Variants in ZNF750 observed in about 807,000 individuals in gnomAD.
ZNF750 encodes zinc finger protein 750.
A neutral mutation model predicts 31.6 loss-of-function variants in ZNF750; 10 were observed. The ratio of observed to expected loss-of-function variants is 0.32; its 90% confidence interval spans 0.19 to 0.54. ZNF750 has a LOEUF of 0.54. Ranked by LOEUF, ZNF750 falls within the 20% of genes least tolerant of loss-of-function variation. The probability of loss-of-function intolerance (pLI) is 0.95; values close to 1 mark genes in which losing one functional copy is unlikely to be tolerated. For synonymous variants in ZNF750, 400 were observed against 404.9 expected, an observed-to-expected ratio of 0.99 and a Z score of 0.15; for missense variants, 914 against 934.9, an observed-to-expected ratio of 0.98 and a Z score of 0.29.
chr17:82,832,181 C>G lies in ZNF750; in HGVS notation c.274G>C (p.Ala92Pro). The change falls in exon 2 of 3, where the codon GCA (alanine) becomes CCA (proline). Residue 92 changes from alanine to proline, a missense_variant. Physicochemically the swap from Ala to Pro is conservative, Grantham distance 27 (BLOSUM62 -1). Around this residue, in one of 2 missense-constraint regions of ZNF750, gnomAD observed 880 missense variants for 868.9 expected, o/e 1.01. Coordinates refer to ENST00000269394, the MANE Select transcript of ZNF750 (RefSeq NM_024702.3). This position sits in a 1 kb window ranked among gnomAD's most constrained non-coding sequence, Gnocchi z 4.9. Reference sequence around the variant, plus strand: ...GAGTCGAAGGCAGAGAGTCCATTTGCGACAGACTTGGAAGAGGCTGGCTTC... The same window carrying G: ...GAGTCGAAGGCAGAGAGTCCATTTGGGACAGACTTGGAAGAGGCTGGCTTC... ...TAKPASSKSV[A>P]NGLSAFDSKL... 6.2e-7 allele frequency: 1 copy of G among 1,614,214 alleles called. No individual in the cohort carries two copies. Among genetic ancestry groups the G allele is most frequent in the Non-Finnish European group, 8.5e-7 (1 of 1,180,050 alleles).
intron 1 of ZNF750, among the ~76,000 whole-genome samples, chr17:82,838,167 T>C (rs927379286): frequency 6.6e-6 from 1 of 152,146 alleles, no homozygotes; most frequent in Non-Finnish European, 1.5e-5. Flanking sequence ...GTGGTTTCGG[T>C]TGGCCATGGG....
Position 82,838,817 on chromosome 17 carries a change from C to T in ZNF750, c.-183+1110G>A, listed in dbSNP as rs544716967. The T allele has an allele frequency of 6.1e-6, 6 of 985,368 alleles. No individual in the cohort carries two copies. The East Asian group carries it at 4.5e-4, about 75-fold the overall frequency. The allele number at this position is 985,368 out of a possible 1,614,324, so 61.0% of individuals were successfully genotyped here. On this transcript the variant is annotated intron_variant, in intron 1 of 2. Transcript: ENST00000269394. The stretch of plus-strand genomic sequence containing the variant: ...TAACTCTAGTTTCGGCAGGAGATCC[C>T]GAGTTACAGACCTGAGCTCGTAAAC...
In ZNF750 at chr17:82,831,436, C is replaced by T; in HGVS notation, c.1019G>A (p.Gly340Asp). 6.2e-7 allele frequency: 1 copy of T among 1,614,034 alleles called. No individual in the cohort carries two copies. The highest frequency in any genetic ancestry group is 1.3e-5 in the African/African-American group (1 of 74,992). Residue 340 changes from glycine to aspartate, a missense_variant, in exon 2 of 3, where the codon GGC becomes GAC. Around this residue, in one of 2 missense-constraint regions of ZNF750, gnomAD observed 880 missense variants for 868.9 expected, o/e 1.01. Coordinates refer to ENST00000269394, the MANE Select transcript of ZNF750 (RefSeq NM_024702.3). This position sits in a 1 kb window ranked among gnomAD's most constrained non-coding sequence, Gnocchi z 4.6. ...SYGLRLPPVT[G>D]LTRDQSSHLL... ...GTGAGAGCTCTGATCTCGGGTGAGG[C>T]CAGTGACAGGTGGGAGTCTGAGACC...
In ZNF750 at chr17:82,831,069, T is replaced by C; in HGVS notation, c.1386A>G (p.Thr462=). Reference sequence around the variant, plus strand: ...CAGCAGCCTGGGCAGGTAGGCATTCTGTGCTTTTCTTAACAGGCCTGAAGG... The same window carrying C: ...CAGCAGCCTGGGCAGGTAGGCATTCCGTGCTTTTCTTAACAGGCCTGAAGG... ...LTAFRPVKKS[T]ECLPAQAAET... The change falls in exon 2 of 3, where the codon ACA becomes ACG. Residue 462 remains threonine, a synonymous_variant. Transcript: ENST00000269394. This position sits in a 1 kb window ranked among gnomAD's most constrained non-coding sequence, Gnocchi z 4.6. The C allele has an allele frequency of 1.2e-6, 2 of 1,614,228 alleles. No individual in the cohort carries two copies. Among genetic ancestry groups the C allele is most frequent in the South Asian group, 2.2e-5 (2 of 91,088 alleles).
Position 82,830,509 on chromosome 17 carries a change from C to T in ZNF750, c.1805G>A (p.Gly602Asp). The part of the protein sequence containing the change: ...DGPSHPETKP[G>D]SLDGDGAPPT... ...TGGGGCCCCGTCACCGTCGAGGCTG[C>T]CTGGCTTGGTCTCAGGGTGGCTGGG... The change falls in exon 3 of 3, where the codon GGC (glycine) becomes GAC (aspartate). Residue 602 changes from glycine to aspartate, a missense_variant. Physicochemically the swap from Gly to Asp is moderately conservative, Grantham distance 94. This residue lies in a region of ZNF750 where 880 missense variants were observed against 868.9 expected (regional missense o/e 1.01). Transcript: ENST00000269394. The T allele has an allele frequency of 6.2e-7, 1 of 1,613,606 alleles. No homozygotes were observed. The highest frequency in any genetic ancestry group is 8.5e-7 in the Non-Finnish European group (1 of 1,179,658).
Position 82,832,004 on chromosome 17 carries a change from G to T in ZNF750, c.451C>A (p.Pro151Thr). The T allele has an allele frequency of 6.2e-7, 1 of 1,612,740 alleles. No homozygotes were observed. The highest frequency in any genetic ancestry group is 8.5e-7 in the Non-Finnish European group (1 of 1,178,916). ...PAPEAALGAQPALEGAARPSA... is the reference protein window; with the variant it reads ...PAPEAALGAQTALEGAARPSA... ...GGCCGAGCTGCGCCTTCCAGAGCAG[G>T]CTGGGCACCGAGGGCGGCTTCCGGA... The change falls in exon 2 of 3, where the codon CCT becomes ACT. Residue 151 changes from proline to threonine, a missense_variant. Physicochemically the swap from Pro to Thr is conservative, Grantham distance 38 (BLOSUM62 -1). This residue lies in a region of ZNF750 where 880 missense variants were observed against 868.9 expected (regional missense o/e 1.01). Coordinates refer to ENST00000269394, the MANE Select transcript of ZNF750 (RefSeq NM_024702.3). This position sits in a 1 kb window ranked among gnomAD's most constrained non-coding sequence, Gnocchi z 4.9.
At chr17:82,839,543 C>G (rs1030644744) in intron 1 of ZNF750, among the ~76,000 whole-genome samples, 1 of 152,020 alleles carries the variant, frequency 6.6e-6, no homozygotes, top group Non-Finnish European at 1.5e-5. Flanking sequence ...CTAAATTCAC[C>G]CTAATGTACA....
rs375619355 is a variant in ZNF750, at chr17:82,831,660, C to G, written c.795G>C (p.Ser265=). The change falls in exon 2 of 3, where the codon TCG becomes TCC. Residue 265 remains serine, a synonymous_variant. Transcript: ENST00000269394. This position sits in a 1 kb window ranked among gnomAD's most constrained non-coding sequence, Gnocchi z 4.6. ...ACAGCAGGGGTGCGTCACACTCAGG[C>G]GAGCTCCCAGCCAGCAGGTAAGGCG... ...IYSPYLLAGS[S]PECDAPLLSV... 6.2e-7 allele frequency: 1 copy of G among 1,614,088 alleles called. No homozygotes were observed. The highest frequency in any genetic ancestry group is 8.5e-7 in the Non-Finnish European group (1 of 1,180,014).
In ZNF750 at chr17:82,833,948, G is replaced by GTT. The variant is rs141969015; in HGVS notation, c.-182-1314_-182-1313dup. Among the ~76,000 whole-genome samples, 31 of 148,272 alleles carry GTT rather than the reference G, an allele frequency of 2.1e-4. No individual in the cohort carries two copies. The highest frequency in any genetic ancestry group is 4.3e-4 in the South Asian group (2 of 4,620). ...ACGCCCAAGGCTGAGAACAAAGGCT[G>GTT]TTTTTCTTTTTTTGAGACAGAGTTT... On this transcript the variant is annotated intron_variant, in intron 1 of 2. Transcript: ENST00000269394. This position sits in a 1 kb window ranked among gnomAD's most constrained non-coding sequence, Gnocchi z 4.7.
Position 82,831,120 on chromosome 17 carries a change from G to C in ZNF750, c.1335C>G (p.Leu445=), listed in dbSNP as rs1431265057. Reference sequence around the variant, plus strand: ...CTGTGAGGCTTTGCTCTGGCGGGTAGAGTCTTCCCAGTGCGCTGGAGGCTG... The same window carrying C: ...CTGTGAGGCTTTGCTCTGGCGGGTACAGTCTTCCCAGTGCGCTGGAGGCTG... ...NKAASSALGR[L]YPPEQSLTAF... is the part of the protein sequence containing the mutation. Residue 445 remains leucine, a synonymous_variant, in exon 2 of 3, where the codon CTC becomes CTG. Coordinates refer to ENST00000269394, the MANE Select transcript of ZNF750 (RefSeq NM_024702.3). This position sits in a 1 kb window ranked among gnomAD's most constrained non-coding sequence, Gnocchi z 4.6. The C allele has an allele frequency of 6.2e-7, 1 of 1,614,078 alleles. No individual in the cohort carries two copies.
rs1332241309 is a variant in ZNF750, at chr17:82,832,850, C to A, written c.-182-214G>T. On this transcript the variant is annotated intron_variant, in intron 1 of 2. Coordinates refer to ENST00000269394, the MANE Select transcript of ZNF750 (RefSeq NM_024702.3). This position sits in a 1 kb window ranked among gnomAD's most constrained non-coding sequence, Gnocchi z 4.9. ...GACTCCCCACCGTGTTTTCTGTTTTCTGAGTCTGATCTGAAAGAGTCACCT... is the reference window on the plus strand; with the variant it reads ...GACTCCCCACCGTGTTTTCTGTTTTATGAGTCTGATCTGAAAGAGTCACCT... 6.6e-6 allele frequency among the ~76,000 whole-genome samples: 1 copy of A among 152,220 alleles called. No homozygotes were observed. The highest frequency in any genetic ancestry group is 1.5e-5 in the Non-Finnish European group (1 of 68,034).
At chr17:82,838,884 C>T (rs2054215198) in intron 1 of ZNF750, 1 of 985,318 alleles carries the variant, frequency 1.0e-6, no homozygotes, top group South Asian at 4.7e-5. Flanking sequence ...TCCTGAAACT[C>T]CGGTCAGAAA....
At chr17:82,839,349 A>C (rs2145417314) in intron 1 of ZNF750, among the ~76,000 whole-genome samples, 1 of 152,202 alleles carries the variant, frequency 6.6e-6, no homozygotes, top group South Asian at 2.1e-4. Flanking sequence ...TATACCACAC[A>C]CACATATATA....
At position 82,831,279 on chromosome 17, in the gene ZNF750, C is replaced by G. The variant is rs763077317; in HGVS notation, c.1176G>C (p.Gln392His). 18 of 1,613,938 alleles carry G rather than the reference C, an allele frequency of 1.1e-5. No individual in the cohort carries two copies. The highest frequency in any genetic ancestry group is 1.5e-5 in the Non-Finnish European group (18 of 1,180,038). Residue 392 changes from glutamine (Q) to histidine (H), a missense_variant, in exon 2 of 3, where the codon CAG (glutamine) becomes CAC (histidine). Transcript: ENST00000269394. This position sits in a 1 kb window ranked among gnomAD's most constrained non-coding sequence, Gnocchi z 4.6. ...PEAKDSSKAGQRDTEGSKMSP... is the reference protein window; with the variant it reads ...PEAKDSSKAGHRDTEGSKMSP... ...TCATTTTGGACCCTTCCGTGTCTCTCTGCCCAGCCTTGGAGGAGTCTTTAG... is the reference window on the plus strand; with the variant it reads ...TCATTTTGGACCCTTCCGTGTCTCTGTGCCCAGCCTTGGAGGAGTCTTTAG...
Position 82,829,660 on chromosome 17 carries a change from CTT to C in ZNF750, c.*480_*481del, listed in dbSNP as rs2053296068. On this transcript the variant is annotated 3_prime_UTR_variant, in exon 3 of 3. Coordinates refer to ENST00000269394, the MANE Select transcript of ZNF750 (RefSeq NM_024702.3). ...AATAAATTATTTGTATAAATAGCCT[CTT>C]GATGTTTGTGTGTTATTTAGTTATA... The C allele has an allele frequency of 6.0e-6, 1 of 167,170 alleles. No homozygotes were observed. Among genetic ancestry groups the C allele is most frequent in the African/African-American group, 2.4e-5 (1 of 41,560 alleles). 10.4% of individuals were successfully genotyped at this position (167,170 alleles called of 1,614,324 possible).
chr17:82,836,168 A>G (rs1331719869), intron 1 of ZNF750, among the ~76,000 whole-genome samples: 1 of 152,244 alleles, frequency 6.6e-6, no homozygotes, highest in African/African-American at 2.4e-5. Context: ...GGGTGATGAA[A>G]GCAGTTTCCC....
rs1277176335 is a variant in ZNF750, at chr17:82,833,981, G to T, written c.-182-1345C>A. On this transcript the variant is annotated intron_variant, in intron 1 of 2. Transcript: ENST00000269394. The surrounding 1 kb of genome is among the most constrained non-coding windows in gnomAD (Gnocchi z 4.7). ...TTTTTTGAGACAGAGTTTCTCCCTT[G>T]TTGCCCAGTCTGGAGTGCCATGGCG... is the stretch of plus-strand genomic sequence containing the variant. Among the ~76,000 whole-genome samples the T allele has an allele frequency of 2.7e-5, 4 of 150,842 alleles. No individual in the cohort carries two copies. The highest frequency in any genetic ancestry group is 5.9e-5 in the Non-Finnish European group (4 of 67,796).
At chr17:82,834,643 C>T (rs748651978) in intron 1 of ZNF750, among the ~76,000 whole-genome samples, 2 of 151,190 alleles carry the variant, frequency 1.3e-5, no homozygotes, top group Non-Finnish European at 2.9e-5. Flanking sequence ...TGCATGGTCT[C>T]ACCCATAAGT....
At position 82,830,796 on chromosome 17, in the gene ZNF750, G is replaced by A. The variant is rs774674189; in HGVS notation, c.1518C>T (p.Asp506=). 8 of 1,613,588 alleles carry A rather than the reference G, an allele frequency of 5.0e-6. No homozygotes were observed. The highest frequency in any genetic ancestry group is 2.2e-5 in the East Asian group (1 of 44,888). The change falls in exon 3 of 3, where the codon GAC becomes GAT. Residue 506 remains aspartate, a synonymous_variant. Coordinates refer to ENST00000269394, the MANE Select transcript of ZNF750 (RefSeq NM_024702.3). ...TGAGGGGGCCCATCCCGGAGCTGTC[G>A]TCCGGACTGGAAGGCGCGGCCTCCG... ...LVSEAAPSSP[D]DSSGMGPLNL...
Sources: gnomAD v4.1 joint callset for allele counts (sites outside exome capture counted in the v4.1 genomes callset) on GRCh38, gnomAD v4.1.1 for gene constraint, gnomAD v4.1.1 regional missense constraint, Gnocchi (gnomAD v3.1) non-coding constraint, MANE v1.5 for transcripts, NCBI Gene and HGNC (gene_info 2026-07-23, HGNC 2026-07-21) for gene names.